Variants in TRARG1 observed in about 807,000 individuals in gnomAD.
TRARG1 encodes trafficking regulator of GLUT4 (SLC2A4) 1 (gene/pseudogene), also known as trafficking regulator of GLUT4 1.
In TRARG1, 16 loss-of-function variants were observed where a neutral mutation model predicts 13.3. The observed-to-expected ratio is 1.20, with a 90% CI of 0.81 to 1.83. The LOEUF is 1.83. Ranked by LOEUF, TRARG1 falls within the 40% of genes most tolerant of loss-of-function variation. TRARG1 has a pLI of 0.00. For missense variants in TRARG1, 250 were observed against 237.4 expected (o/e 1.05, Z -0.35); for synonymous variants, 113 against 106.2 (o/e 1.06, Z -0.39).
intron 1 of TRARG1, among the ~76,000 whole-genome samples, chr17:1,282,596 C>G (rs1481001189): frequency 6.6e-6 from 1 of 151,818 alleles, no homozygotes; most frequent in Non-Finnish European, 1.5e-5. Flanking sequence ...GTCTTGAACT[C>G]CCGACCTCGT....
At chr17:1,294,669 T>C (rs2072097975) in intron 1 of TRARG1, among the ~76,000 whole-genome samples, 1 of 145,954 alleles carries the variant, frequency 6.9e-6, no homozygotes, top group Non-Finnish European at 1.5e-5. Flanking sequence ...TTTCACCGTA[T>C]TGGCCAAACT....
intron 1 of TRARG1, among the ~76,000 whole-genome samples, chr17:1,282,131 TACACGC>T (rs2071981295): frequency 1.5e-5 from 1 of 64,676 alleles, no homozygotes; most frequent in African/African-American, 6.5e-5. Flanking sequence ...TATGTACATA[TACACGC>T]ATATATGTAC....
At position 1,295,527 on chromosome 17, in the gene TRARG1, G is replaced by A. The variant is rs779499580; in HGVS notation, c.424G>A (p.Ala142Thr). The change falls in exon 2 of 3, where the codon GCC (alanine) becomes ACC (threonine). Residue 142 changes from alanine to threonine, a missense_variant. Ala to Thr is a moderately conservative substitution (Grantham distance 58, BLOSUM62 0). Transcript: ENST00000333813. ...SSMQQGNVDG[A>T]RRLGRLARLL... Reference sequence around the variant, plus strand: ...CATGCAACAGGGCAACGTGGACGGCGCCCGGAGGCTGGGCCGCCTGGCTCG... The same window carrying A: ...CATGCAACAGGGCAACGTGGACGGCACCCGGAGGCTGGGCCGCCTGGCTCG... 1.9e-5 allele frequency: 30 copies of A among 1,611,952 alleles called. No homozygotes were observed. Among genetic ancestry groups the A allele is most frequent in the African/African-American group, 2.7e-5 (2 of 74,892 alleles).
At position 1,298,333 on chromosome 17, in the gene TRARG1, C is replaced by T. The variant is rs372069762; in HGVS notation, c.*69C>T. 22 of 1,566,902 alleles carry T rather than the reference C, an allele frequency of 1.4e-5. No individual in the cohort carries two copies. The highest frequency in any genetic ancestry group is 8.1e-5 in the African/African-American group (6 of 73,748). ...CGGGAGAGCTCTGACCTGCACACCGCGGGAGGCCAGGGTGCTGACTGTCAA... is the reference window on the plus strand; with the variant it reads ...CGGGAGAGCTCTGACCTGCACACCGTGGGAGGCCAGGGTGCTGACTGTCAA... On this transcript the variant is annotated 3_prime_UTR_variant, in exon 3 of 3. Transcript: ENST00000333813.
Position 1,279,894 on chromosome 17 carries a change from G to C in TRARG1, c.-108G>C. The C allele has an allele frequency of 7.4e-7, 1 of 1,352,890 alleles. No individual in the cohort carries two copies. The highest frequency in any genetic ancestry group is 1.0e-6 in the Non-Finnish European group (1 of 1,004,318). 83.8% of individuals were successfully genotyped at this position (1,352,890 alleles called of 1,614,324 possible). A position where few individuals can be genotyped will look rare whatever the true frequency, so the allele number is the denominator to read the frequency against. On this transcript the variant is annotated 5_prime_UTR_variant, in exon 1 of 3. Transcript: ENST00000333813. ...CCTCCGTCTCCTGAGGGACGCCCCT[G>C]CCCCCGACCTGGAGGCCCTCAGTCT...
Position 1,298,485 on chromosome 17 carries a change from A to T in TRARG1, c.*221A>T, listed in dbSNP as rs1323142309. 6.0e-6 allele frequency: 3 copies of T among 503,766 alleles called. No individual in the cohort carries two copies. The Admixed American group carries it at 1.0e-4, about 17-fold the overall frequency. The allele number at this position is 503,766 out of a possible 1,614,324, so 31.2% of individuals were successfully genotyped here. A position where few individuals can be genotyped will look rare whatever the true frequency, so the allele number is the denominator to read the frequency against. ...GAAAGCACAGCGAACCCAATGGGTA[A>T]CGTGGTTTACTCTCCCGGACGCGTC... On this transcript the variant is annotated 3_prime_UTR_variant, in exon 3 of 3. Transcript: ENST00000333813.
intron 2 of TRARG1, among the ~76,000 whole-genome samples, chr17:1,296,516 CT>C (rs5818791): frequency 5.8e-4 from 79 of 136,540 alleles, no homozygotes; most frequent in African/African-American, 1.1e-3. Flanking sequence ...TTTTCTCTTT[CT>C]TTTTTTTTTT....
At chr17:1,297,085 C>T (rs942159797) in intron 2 of TRARG1, among the ~76,000 whole-genome samples, 13 of 152,310 alleles carry the variant, frequency 8.5e-5, no homozygotes, top group African/African-American at 2.9e-4. Flanking sequence ...CCCCAAGGAT[C>T]TCTGCCCATT....
chr17:1,281,974 G>T (rs1047945701), intron 1 of TRARG1, among the ~76,000 whole-genome samples: 3 of 148,162 alleles, frequency 2.0e-5, no homozygotes, highest in Non-Finnish European at 1.5e-5. Context: ...ATATGCACAC[G>T]TGTACATATA....
chr17:1,287,906 G>A (rs1400597429), intron 1 of TRARG1, among the ~76,000 whole-genome samples: 2 of 151,940 alleles, frequency 1.3e-5, no homozygotes, highest in African/African-American at 4.8e-5. Context: ...CCCCGTTTCA[G>A]CCTCCCACAG....
Position 1,280,088 on chromosome 17 carries a change from C to G in TRARG1, c.87C>G (p.Leu29=), listed in dbSNP as rs766616777. ...TGGACCTGCCGGAGATGGAGATACT[C>G]CTCACCAAGGCAGAGAACAAGGATG... The part of the protein sequence containing the change: ...AFLDLPEMEI[L]LTKAENKDDK... Residue 29 remains leucine, a synonymous_variant, in exon 1 of 3, where the codon CTC becomes CTG. Coordinates refer to ENST00000333813, the MANE Select transcript of TRARG1 (RefSeq NM_172367.3). 41 of 1,613,502 alleles carry G rather than the reference C, an allele frequency of 2.5e-5. No homozygotes were observed. Among genetic ancestry groups the G allele is most frequent in the Non-Finnish European group, 1.7e-6 (2 of 1,180,036 alleles).
chr17:1,281,965 T>C (rs1421539711), intron 1 of TRARG1, among the ~76,000 whole-genome samples: 1 of 149,996 alleles, frequency 6.7e-6, no homozygotes, highest in Non-Finnish European at 1.5e-5. Context: ...CATGTACATA[T>C]ATGCACACGT....
chr17:1,283,757 C>T (rs1255095676), intron 1 of TRARG1, among the ~76,000 whole-genome samples: 1 of 148,776 alleles, frequency 6.7e-6, no homozygotes, highest in Non-Finnish European at 1.5e-5. Context: ...TGCAGTGAGC[C>T]GAGATCCAGC....
chr17:1,290,452 C>G (rs138147480), intron 1 of TRARG1, among the ~76,000 whole-genome samples: 3 of 152,160 alleles, frequency 2.0e-5, no homozygotes, highest in Admixed American at 6.5e-5. Flanking sequence ...CATGCCACCA[C>G]GCCCGGCTAA....
At chr17:1,293,290 A>AAAG (rs2072086041) in intron 1 of TRARG1, among the ~76,000 whole-genome samples, 1 of 151,238 alleles carries the variant, frequency 6.6e-6, no homozygotes, top group South Asian at 2.1e-4. Context: ...TCTCAAAAAA[A>AAAG]AAAAAAAAAA....
chr17:1,286,190 G>A (rs2072018647), intron 1 of TRARG1, among the ~76,000 whole-genome samples: 1 of 152,236 alleles, frequency 6.6e-6, no homozygotes, highest in Non-Finnish European at 1.5e-5. Context: ...GGCTCACGCT[G>A]CACGGCCACC....
chr17:1,295,709 G>A (rs1298570197), intron 2 of TRARG1, 86 bp downstream of exon 2: 21 of 1,460,630 alleles, frequency 1.4e-5, no homozygotes, highest in Non-Finnish European at 1.9e-5. Context: ...AGGGGCAGAG[G>A]TGGTGGGTTG....
chr17:1,296,758 G>T (rs189109175), intron 2 of TRARG1, among the ~76,000 whole-genome samples: 3 of 151,988 alleles, frequency 2.0e-5, no homozygotes. Context: ...TGATCCTCCC[G>T]CCTCAGCCTC....
chr17:1,279,839 T>TCAGCCCAACCCTTCCAGCACCCAGC lies in TRARG1; in HGVS notation c.-161_-137dup. Reference sequence around the variant, plus strand: ...TCTGAACTCAGCTGGCTTGAGAAGCTCAGCCCAACCCTTCCAGCACCCAGC... The same window carrying TCAGCCCAACCCTTCCAGCACCCAGC: ...TCTGAACTCAGCTGGCTTGAGAAGCTCAGCCCAACCCTTCCAGCACCCAGCCAGCCCAACCCTTCCAGCACCCAGC... On this transcript the variant is annotated 5_prime_UTR_variant, in exon 1 of 3. Coordinates refer to ENST00000333813, the MANE Select transcript of TRARG1 (RefSeq NM_172367.3). The TCAGCCCAACCCTTCCAGCACCCAGC allele has an allele frequency of 1.3e-6, 1 of 786,070 alleles. No individual in the cohort carries two copies. The highest frequency in any genetic ancestry group is 1.9e-6 in the Non-Finnish European group (1 of 521,186). The allele number at this position is 786,070 out of a possible 1,614,324, so 48.7% of individuals were successfully genotyped here. A position where few individuals can be genotyped will look rare whatever the true frequency, so the allele number is the denominator to read the frequency against.
Sources: gnomAD v4.1 joint callset for allele counts (sites outside exome capture counted in the v4.1 genomes callset) on GRCh38, gnomAD v4.1.1 for gene constraint, MANE v1.5 for transcripts, NCBI Gene and HGNC (gene_info 2026-07-23, HGNC 2026-07-21) for gene names.